The following JMJD1C variants were observed in gnomAD, a reference collection of about 807,000 sequenced individuals.
The protein encoded by JMJD1C is jumonji domain-containing protein 1C.
A neutral mutation model predicts 245.3 loss-of-function variants in JMJD1C; 31 were observed. The observed-to-expected ratio is 0.13, with a 90% CI of 0.09 to 0.17. The LOEUF is 0.17. JMJD1C is among the 10% of genes least tolerant of loss of function. JMJD1C has a pLI of 1.00. For missense variants in JMJD1C, 2,691 were observed against 3,000.2 expected (o/e 0.90, Z 2.41); for synonymous variants, 1,057 against 1,017.4 (o/e 1.04, Z -0.74).
At chr10:63,186,499 C>T (rs138979310) in intron 18 of JMJD1C, 116 bp from the exon 19 acceptor site, 39 of 691,874 alleles carry the variant, frequency 5.6e-5, no homozygotes, top group Middle Eastern at 8.2e-4. Flanking sequence ...AGAGCAGTGG[C>T]CTCATCATAC....
chr10:63,393,984 G>C (rs1948277361), intron 1 of JMJD1C, among the ~76,000 whole-genome samples: 1 of 152,102 alleles, frequency 6.6e-6, no homozygotes, highest in Non-Finnish European at 1.5e-5. Flanking sequence ...AGGAGTTCGA[G>C]ACCAGTCTGG....
intron 2 of JMJD1C, among the ~76,000 whole-genome samples, chr10:63,294,872 AG>A (rs1275468204): frequency 1.3e-5 from 2 of 152,154 alleles, no homozygotes; most frequent in Non-Finnish European, 2.9e-5. Context: ...TCTAAAATTG[AG>A]GGTCATTAAG....
At chr10:63,217,356 A>T in intron 4 of JMJD1C, 25 bp from the exon 5 acceptor site, 1 of 1,533,568 alleles carries the variant, frequency 6.5e-7, no homozygotes, top group Non-Finnish European at 8.8e-7. Flanking sequence ...AAGAAACAGA[A>T]ACATCTTAAA....
chr10:63,234,655 G>T (rs1850495362), intron 3 of JMJD1C, among the ~76,000 whole-genome samples: 1 of 151,662 alleles, frequency 6.6e-6, no homozygotes, highest in African/African-American at 2.4e-5. Flanking sequence ...ATATTAAGCT[G>T]GGCATGGTGG....
At chr10:63,511,601 T>G (rs1442171494) in intron 1 of JMJD1C, among the ~76,000 whole-genome samples, 1 of 151,844 alleles carries the variant, frequency 6.6e-6, no homozygotes, top group African/African-American at 2.4e-5. Flanking sequence ...TCCCAGTGAC[T>G]CCGGAGGCTG....
At chr10:63,358,663 G>T (rs1250751386) in intron 2 of JMJD1C, 1 of 152,024 alleles carries the variant, frequency 6.6e-6, no homozygotes, top group African/African-American at 2.4e-5. Context: ...TTTTAAAACA[G>T]AAAAAAAGCT....
intron 3 of JMJD1C, among the ~76,000 whole-genome samples, chr10:63,228,870 T>C (rs1440277345): frequency 1.3e-5 from 2 of 152,170 alleles, no homozygotes; most frequent in Non-Finnish European, 2.9e-5. Context: ...TTCTGGACAA[T>C]GCTTAGCCTT....
chr10:63,466,650 C>T (rs1953300736), upstream of JMJD1C: 1 of 152,210 alleles, frequency 6.6e-6, no homozygotes, highest in Non-Finnish European at 1.5e-5. Context: ...GTGTCTGCGA[C>T]AGTCTTAGTA....
In JMJD1C at chr10:63,189,410, C is replaced by T; in HGVS notation, c.6328G>A (p.Asp2110Asn). 2 of 1,613,530 alleles carry T rather than the reference C, an allele frequency of 1.2e-6. No homozygotes were observed. Among genetic ancestry groups the T allele is most frequent in the Middle Eastern group, 1.7e-4 (1 of 6,058 alleles). Reference protein sequence around the residue: ...KSGRTMPNILDDIIASVVENK... With the variant: ...KSGRTMPNILNDIIASVVENK... ...TCAACAACTGAAGCAATTATGTCAT[C>T]AAGAATGTTAGGCATAGTCCGTCCA... The change falls in exon 18 of 26, where the codon GAT becomes AAT. Residue 2110 changes from aspartate to asparagine, a missense_variant. Physicochemically the swap from Asp to Asn is conservative, Grantham distance 23. Coordinates refer to ENST00000399262, the MANE Select transcript of JMJD1C (RefSeq NM_032776.3).
chr10:63,382,173 T>C (rs545840254), intron 1 of JMJD1C, among the ~76,000 whole-genome samples: 1 of 152,160 alleles, frequency 6.6e-6, no homozygotes, highest in Non-Finnish European at 1.5e-5. Flanking sequence ...ATCAGGCCAC[T>C]GCACACCAGC....
At chr10:63,292,166 C>CTTTTTTTTT (rs1858856102) in intron 2 of JMJD1C, among the ~76,000 whole-genome samples, 2 of 9,660 alleles carry the variant, frequency 2.1e-4, no homozygotes. Context: ...TTTTTTTTGC[C>CTTTTTTTTT]TAGGCTGGTC....
At chr10:63,249,813 T>C (rs1852801334) in intron 3 of JMJD1C, among the ~76,000 whole-genome samples, 1 of 151,398 alleles carries the variant, frequency 6.6e-6, no homozygotes, top group Admixed American at 6.6e-5. Flanking sequence ...TGGGCCAAGA[T>C]TGCACCACTG....
At chr10:63,510,200 T>C (rs1345163152) in intron 1 of JMJD1C, among the ~76,000 whole-genome samples, 1 of 151,976 alleles carries the variant, frequency 6.6e-6, no homozygotes, top group Non-Finnish European at 1.5e-5. Context: ...AGAGAGGGTT[T>C]CACCATGTTA....
At chr10:63,445,862 ATTTTTTT>A (rs56316223) in intron 1 of JMJD1C, among the ~76,000 whole-genome samples, 5 of 75,768 alleles carry the variant, frequency 6.6e-5, no homozygotes, top group East Asian at 4.7e-4. Context: ...TGGGATCTGA[ATTTTTTT>A]TTTTTTTTTT....
intron 8 of JMJD1C, among the ~76,000 whole-genome samples, chr10:63,211,565 T>C (rs1050875235): frequency 1.3e-5 from 2 of 151,960 alleles, no homozygotes; most frequent in African/African-American, 4.8e-5. Flanking sequence ...TCACAAACTT[T>C]TGGCATGATG....
intron 8 of JMJD1C, among the ~76,000 whole-genome samples, chr10:63,213,014 C>T (rs1027858770): frequency 6.0e-5 from 9 of 150,772 alleles, no homozygotes; most frequent in African/African-American, 2.2e-4. Flanking sequence ...GGTAAAACTC[C>T]GTCTCTACTA....
chr10:63,410,850 C>T (rs755980685), intron 1 of JMJD1C, among the ~76,000 whole-genome samples: 76 of 152,282 alleles, frequency 5.0e-4, no homozygotes, highest in Middle Eastern at 3.4e-3. Flanking sequence ...CAACAGCAAA[C>T]AATCCTAAGC....
chr10:63,294,720 T>A (rs1031865493), intron 2 of JMJD1C, among the ~76,000 whole-genome samples: 1 of 152,206 alleles, frequency 6.6e-6, no homozygotes, highest in African/African-American at 2.4e-5. Context: ...ACAGTAAAAA[T>A]AGTTTTAACT....
chr10:63,357,753 A>G (rs1241726643), intron 2 of JMJD1C, among the ~76,000 whole-genome samples: 1 of 152,070 alleles, frequency 6.6e-6, no homozygotes, highest in Non-Finnish European at 1.5e-5. Flanking sequence ...AAATATATTT[A>G]TTGAATGAAT....
Sources: allele counts gnomAD v4.1 joint callset (sites outside exome capture counted in the v4.1 genomes callset), GRCh38; gene constraint gnomAD v4.1.1; transcripts MANE v1.5; gene names NCBI Gene and HGNC (gene_info 2026-07-23, HGNC 2026-07-21).